The following KCTD8 variants were observed in gnomAD, a reference collection of about 807,000 sequenced individuals.
The protein encoded by KCTD8 is potassium channel tetramerization domain containing 8.
KCTD8 carries 27 observed loss-of-function variants against 31.5 expected under a neutral mutation model. That is an observed-to-expected ratio of 0.86 (90% CI 0.63 to 1.18). The LOEUF (loss-of-function observed/expected upper bound fraction) is 1.18, where lower values mean the gene tolerates loss of function less well. Ranked by LOEUF, KCTD8 falls within the 50% of genes most tolerant of loss-of-function variation. The pLI is 0.00. For synonymous variants in KCTD8, 290 were observed against 280.0 expected, an observed-to-expected ratio of 1.04 and a Z score of -0.36; for missense variants, 658 against 647.7, an observed-to-expected ratio of 1.02 and a Z score of -0.17.
At chr4:44,441,990 T>G (rs115871029) in intron 1 of KCTD8, among the ~76,000 whole-genome samples, 3,338 of 152,272 alleles carry the variant, frequency 0.022, 44 homozygotes, top group South Asian at 0.047. Context: ...TCATTAAATG[T>G]GTAAACTTAT....
intron 1 of KCTD8, among the ~76,000 whole-genome samples, chr4:44,248,609 T>C (rs1384107933): frequency 6.6e-6 from 1 of 151,920 alleles, no homozygotes; most frequent in East Asian, 1.9e-4. Context: ...CAAGCATGAA[T>C]CAATATCTCA....
At chr4:44,360,098 C>T (rs188645685) in intron 1 of KCTD8, among the ~76,000 whole-genome samples, 1 of 151,586 alleles carries the variant, frequency 6.6e-6, no homozygotes, top group East Asian at 1.9e-4. Flanking sequence ...TAGAAGTTAG[C>T]GGCAATACAA....
At chr4:44,186,505 G>T (rs1713592076) in intron 1 of KCTD8, among the ~76,000 whole-genome samples, 1 of 152,176 alleles carries the variant, frequency 6.6e-6, no homozygotes, top group South Asian at 2.1e-4. Flanking sequence ...TAATTGAGCT[G>T]ATTAACACAT....
At chr4:44,341,985 C>T (rs777718887) in intron 1 of KCTD8, among the ~76,000 whole-genome samples, 2 of 152,178 alleles carry the variant, frequency 1.3e-5, no homozygotes, top group Non-Finnish European at 2.9e-5. Context: ...TGGATCTGCT[C>T]TGTTGGCAGG....
At chr4:44,268,184 G>T (rs1716452787) in intron 1 of KCTD8, among the ~76,000 whole-genome samples, 1 of 152,198 alleles carries the variant, frequency 6.6e-6, no homozygotes, top group Admixed American at 6.5e-5. Flanking sequence ...ACATCAAAAA[G>T]CTTATCCACC....
At chr4:44,405,416 G>A (rs554603593) in intron 1 of KCTD8, among the ~76,000 whole-genome samples, 4 of 151,886 alleles carry the variant, frequency 2.6e-5, no homozygotes, top group African/African-American at 7.3e-5. Flanking sequence ...TGCTTACCAC[G>A]CCCAGCTAAT....
intron 1 of KCTD8, among the ~76,000 whole-genome samples, chr4:44,278,330 C>T (rs1014235405): frequency 6.6e-6 from 1 of 151,980 alleles, no homozygotes; most frequent in African/African-American, 2.4e-5. Context: ...GGGTTTCTTG[C>T]TTTTTTCCAC....
chr4:44,259,753 T>C (rs376931464), intron 1 of KCTD8, among the ~76,000 whole-genome samples: 8 of 152,034 alleles, frequency 5.3e-5, no homozygotes, highest in Admixed American at 3.9e-4. Flanking sequence ...ATAAGAAATA[T>C]TCAAATCCAT....
At chr4:44,447,400 C>A (rs1048212163) in intron 1 of KCTD8, among the ~76,000 whole-genome samples, 163 bp downstream of exon 1, 1 of 152,164 alleles carries the variant, frequency 6.6e-6, no homozygotes, top group African/African-American at 2.4e-5. Context: ...AAATGTAAAT[C>A]GTGTCTACTG....
At chr4:44,224,115 T>C (rs1714881674) in intron 1 of KCTD8, among the ~76,000 whole-genome samples, 1 of 152,214 alleles carries the variant, frequency 6.6e-6, no homozygotes, top group Non-Finnish European at 1.5e-5. Flanking sequence ...AGTAATGGTA[T>C]ACTTAAATAA....
intron 1 of KCTD8, among the ~76,000 whole-genome samples, chr4:44,404,173 A>C (rs1720731127): frequency 6.6e-6 from 1 of 152,158 alleles, no homozygotes; most frequent in South Asian, 2.1e-4. Context: ...CCATTTTAAC[A>C]CAAAATATCT....
chr4:44,332,515 T>C (rs565139356), intron 1 of KCTD8, among the ~76,000 whole-genome samples: 1 of 152,032 alleles, frequency 6.6e-6, no homozygotes, highest in African/African-American at 2.4e-5. Flanking sequence ...TCATACAAGA[T>C]AAGTTTTCAA....
intron 1 of KCTD8, among the ~76,000 whole-genome samples, chr4:44,200,866 ACT>A (rs990798097): frequency 6.6e-6 from 1 of 151,710 alleles, no homozygotes; most frequent in African/African-American, 2.4e-5. Flanking sequence ...TTAGTTAAAC[ACT>A]CTCTCTCTTT....
At position 44,175,020 on chromosome 4, in the gene KCTD8, C is replaced by G. The variant is rs1257082015; in HGVS notation, c.1192G>C (p.Val398Leu). 6.2e-7 allele frequency: 1 copy of G among 1,613,976 alleles called. No homozygotes were observed. Among genetic ancestry groups the G allele is most frequent in the East Asian group, 2.2e-5 (1 of 44,858 alleles). ...TTGTCTGGTGGGGGTATCCATTGTA[C>G]AGGTGCTTTTTTAGAGGGGCGATCC... is the stretch of plus-strand genomic sequence containing the variant. ...TLDRPSKKAP[V>L]QWIPPPDKRR... is the part of the protein sequence containing the mutation. Residue 398 changes from valine (V) to leucine (L), a missense_variant, in exon 2 of 2, where the codon GTA becomes CTA. Transcript: ENST00000360029.
chr4:44,390,773 T>C (rs932320213), intron 1 of KCTD8, among the ~76,000 whole-genome samples: 13 of 151,916 alleles, frequency 8.6e-5, no homozygotes, highest in Non-Finnish European at 4.4e-5. Context: ...TGTGGTAAAA[T>C]TGGCATTGAT....
chr4:44,405,848 T>C (rs1008293174), intron 1 of KCTD8, among the ~76,000 whole-genome samples: 1 of 93,232 alleles, frequency 1.1e-5, no homozygotes, highest in Non-Finnish European at 2.2e-5. Flanking sequence ...AAAAAAGCAA[T>C]AGTACTGTTT....
At chr4:44,209,132 A>G (rs533997655) in intron 1 of KCTD8, among the ~76,000 whole-genome samples, 28 of 152,276 alleles carry the variant, frequency 1.8e-4, no homozygotes, top group African/African-American at 6.7e-4. Flanking sequence ...ACAAGCAGTA[A>G]TATTTAATGA....
chr4:44,232,152 C>T (rs564144092), intron 1 of KCTD8, among the ~76,000 whole-genome samples: 4 of 152,012 alleles, frequency 2.6e-5, no homozygotes, highest in African/African-American at 9.7e-5. Flanking sequence ...ACTAAATTAT[C>T]CAGAAACAGC....
chr4:44,291,596 T>A (rs1717275714), intron 1 of KCTD8, among the ~76,000 whole-genome samples: 1 of 151,802 alleles, frequency 6.6e-6, no homozygotes, highest in South Asian at 2.1e-4. Context: ...CCAAAAACAA[T>A]TACAACAAAA....
Sources: gnomAD v4.1 joint callset for allele counts (sites outside exome capture counted in the v4.1 genomes callset) on GRCh38, gnomAD v4.1.1 for gene constraint, MANE v1.5 for transcripts, NCBI Gene and HGNC (gene_info 2026-07-23, HGNC 2026-07-21) for gene names.